Variants in CHD5 observed in about 807,000 individuals in gnomAD.
CHD5 encodes ATP-dependent chromatin remodeler CHD5.
In CHD5, 69 loss-of-function variants were observed where a neutral mutation model predicts 230.3. The observed-to-expected ratio is 0.30, with a 90% CI of 0.25 to 0.37. The LOEUF (loss-of-function observed/expected upper bound fraction) is 0.37. CHD5 is among the 10% of genes least tolerant of loss of function. The pLI, the probability that CHD5 is intolerant of heterozygous loss-of-function variation, is 1.00. For synonymous variants in CHD5, 1,064 were observed against 1,065.9 expected, an observed-to-expected ratio of 1.00 and a Z score of 0.03; for missense variants, 1,827 against 2,622.8, an observed-to-expected ratio of 0.70 and a Z score of 6.63.
chr1:6,159,296 G>C, intron 3 of CHD5, 40 bp downstream of exon 3: 1 of 1,549,462 alleles, frequency 6.5e-7, no homozygotes, highest in South Asian at 1.2e-5. Context: ...CCTTAAAGGG[G>C]GATGTCGCTC....
chr1:6,175,783 C>T (rs185365697), intron 1 of CHD5, among the ~76,000 whole-genome samples: 2 of 138,746 alleles, frequency 1.4e-5, no homozygotes, highest in Non-Finnish European at 3.1e-5. Flanking sequence ...TTTTGTGGGT[C>T]GACGGGTAGA....
intron 16 of CHD5, 23 bp from the exon 17 acceptor site, chr1:6,136,661 T>C (rs747027969): frequency 2.9e-5 from 46 of 1,613,318 alleles, no homozygotes; most frequent in Non-Finnish European, 3.1e-5. Flanking sequence ...GAGTGGGGCC[T>C]GTCAGGGGGC....
intron 1 of CHD5, among the ~76,000 whole-genome samples, chr1:6,176,863 T>C (rs1467413144): frequency 6.6e-6 from 1 of 152,204 alleles, no homozygotes; most frequent in Non-Finnish European, 1.5e-5. Context: ...CCACCAGCTC[T>C]TGACCCCTGG....
chr1:6,155,484 C>A lies in CHD5; in HGVS notation c.506+115G>T. On this transcript the variant is annotated intron_variant, in intron 4 of 41. Coordinates refer to ENST00000262450, the MANE Select transcript of CHD5 (RefSeq NM_015557.3). The surrounding 1 kb of genome is among the most constrained non-coding windows in gnomAD (Gnocchi z 4.0). ...AGCTCCCCCAGGTTGCTCAGTCGGT[C>A]TGACAGAGCCCACCCCTACCCCAGG... The A allele has an allele frequency of 1.2e-6, 1 of 865,264 alleles. No individual in the cohort carries two copies. Among genetic ancestry groups the A allele is most frequent in the Non-Finnish European group, 1.9e-6 (1 of 534,132 alleles). The allele number at this position is 865,264 out of a possible 1,614,324, so 53.6% of individuals were successfully genotyped here. A position where few individuals can be genotyped will look rare whatever the true frequency, so the allele number is the denominator to read the frequency against.
rs921771662 is a variant in CHD5, at chr1:6,131,251, C to A, written c.3262+380G>T. Among the ~76,000 whole-genome samples the A allele has an allele frequency of 1.3e-5, 2 of 152,136 alleles. No individual in the cohort carries two copies. Among genetic ancestry groups the A allele is most frequent in the African/African-American group, 2.4e-5 (1 of 41,428 alleles). ...AGAGCCTGATCATGTGTGGCCCAGC[C>A]CTTTCACTCTCTCCTGCCTCTGGAA... is the stretch of plus-strand genomic sequence containing the variant. On this transcript the variant is annotated intron_variant, in intron 21 of 41. Transcript: ENST00000262450. This position sits in a 1 kb window ranked among gnomAD's most constrained non-coding sequence, Gnocchi z 5.0.
intron 30 of CHD5, 48 bp downstream of exon 30, chr1:6,124,469 A>G: frequency 6.2e-7 from 1 of 1,606,204 alleles, no homozygotes; most frequent in Non-Finnish European, 8.5e-7. Context: ...CAGCACCAGG[A>G]GCCCAGGCAG....
chr1:6,174,321 G>T (rs1192629026), intron 1 of CHD5, among the ~76,000 whole-genome samples: 1 of 152,232 alleles, frequency 6.6e-6, no homozygotes, highest in African/African-American at 2.4e-5. Context: ...AACACACATT[G>T]TGTTCAGTAC....
rs1468165228 is a variant in CHD5 at position 6,105,192 on chromosome 1, T to C, written c.*282A>G. On this transcript the variant is annotated 3_prime_UTR_variant, in exon 42 of 42. Coordinates refer to ENST00000262450, the MANE Select transcript of CHD5 (RefSeq NM_015557.3). This position sits in a 1 kb window ranked among gnomAD's most constrained non-coding sequence, Gnocchi z 4.8. ...ATGAAATCTCTTCTAAGAAGTCGTC[T>C]GGAAAAGGTGGCGAGGGGGCACGTC... The C allele has an allele frequency of 8.6e-6, 3 of 349,352 alleles. No individual in the cohort carries two copies. Among genetic ancestry groups the C allele is most frequent in the African/African-American group, 4.3e-5 (2 of 46,450 alleles). 21.6% of individuals were successfully genotyped at this position (349,352 alleles called of 1,614,324 possible).
At chr1:6,140,413 A>G (rs1256495336) in intron 15 of CHD5, among the ~76,000 whole-genome samples, 10 of 151,520 alleles carry the variant, frequency 6.6e-5, no homozygotes, top group Non-Finnish European at 1.5e-5. Flanking sequence ...AAAAAAAAGA[A>G]AAGAAAAAGA....
intron 1 of CHD5, among the ~76,000 whole-genome samples, chr1:6,177,278 G>A (rs1334861795): frequency 6.6e-6 from 1 of 152,224 alleles, no homozygotes; most frequent in Non-Finnish European, 1.5e-5. Flanking sequence ...GGGCTATGAG[G>A]AAGAGCTCAG....
chr1:6,170,655 A>G (rs1209568754), intron 1 of CHD5, among the ~76,000 whole-genome samples: 1 of 152,184 alleles, frequency 6.6e-6, no homozygotes, highest in African/African-American at 2.4e-5. Flanking sequence ...GCCAGCAGCA[A>G]GGGCCGCCCC....
In CHD5 at chr1:6,159,386, G is replaced by C. The variant is rs184576673; in HGVS notation, c.337C>G (p.Arg113Gly). The C allele has an allele frequency of 2.6e-6, 4 of 1,552,114 alleles. No individual in the cohort carries two copies. Among genetic ancestry groups the C allele is most frequent in the Non-Finnish European group, 3.5e-6 (4 of 1,146,926 alleles). ...TCCTCATCCTCATCCTTCTTTTTTC[G>C]CTTGGCTTTTTTCTCCTTCTTGTCC... is the stretch of plus-strand genomic sequence containing the variant. ...LKDKKEKKAK[R>G]KKKDEDEDDN... Residue 113 changes from arginine (R) to glycine (G), a missense_variant, in exon 3 of 42, where the codon CGA (arginine) becomes GGA (glycine). Physicochemically the swap from Arg to Gly is moderately radical, Grantham distance 125. This residue lies in a region of CHD5 where 657 missense variants were observed against 816.4 expected (regional missense o/e 0.80). Coordinates refer to ENST00000262450, the MANE Select transcript of CHD5 (RefSeq NM_015557.3).
chr1:6,159,490 T>C lies in CHD5; in HGVS notation c.233A>G (p.Asn78Ser). ...CGACTTCTCTTCCAGATCCTCTTCA[T>C]TCTCTGATAGCTCATCATTGCTCCC... ...KEGSNDELSE[N>S]EEDLEEKSES... The change falls in exon 3 of 42, where the codon AAT becomes AGT. Residue 78 changes from asparagine (N) to serine (S), a missense_variant. Physicochemically the swap from Asn to Ser is conservative, Grantham distance 46. Transcript: ENST00000262450. The C allele has an allele frequency of 6.3e-7, 1 of 1,599,578 alleles. No individual in the cohort carries two copies. Among genetic ancestry groups the C allele is most frequent in the Non-Finnish European group, 8.5e-7 (1 of 1,171,100 alleles).
At chr1:6,165,047 T>G (rs1232102761) in intron 2 of CHD5, among the ~76,000 whole-genome samples, 1 of 151,982 alleles carries the variant, frequency 6.6e-6, no homozygotes, top group Non-Finnish European at 1.5e-5. Flanking sequence ...GATAAGGACC[T>G]GGACAAAAAC....
Position 6,125,635 on chromosome 1 carries a change from T to G in CHD5, c.4172-23A>C. On this transcript the variant is annotated intron_variant, in intron 27 of 41. Coordinates refer to ENST00000262450, the MANE Select transcript of CHD5 (RefSeq NM_015557.3). This position sits in a 1 kb window ranked among gnomAD's most constrained non-coding sequence, Gnocchi z 6.7. ...CACCTGGGGAGCAGCCCGCCACAGT[T>G]CCTCAGGTGGGAGCCCAGAGATTCC... 2 of 1,612,962 alleles carry G rather than the reference T, an allele frequency of 1.2e-6. No homozygotes were observed. The highest frequency in any genetic ancestry group is 1.7e-6 in the Non-Finnish European group (2 of 1,179,236).
chr1:6,134,597 C>T lies in CHD5; in HGVS notation c.3012+121G>A. 5.4e-6 allele frequency: 6 copies of T among 1,110,898 alleles called. No homozygotes were observed. The highest frequency in any genetic ancestry group is 8.1e-6 in the Non-Finnish European group (6 of 744,046). 68.8% of individuals were successfully genotyped at this position (1,110,898 alleles called of 1,614,324 possible). A position where few individuals can be genotyped will look rare whatever the true frequency, so the allele number is the denominator to read the frequency against. On this transcript the variant is annotated intron_variant, in intron 19 of 41. Transcript: ENST00000262450. The surrounding 1 kb of genome is among the most constrained non-coding windows in gnomAD (Gnocchi z 6.3). Reference sequence around the variant, plus strand: ...CCAGGGAAACCTACCATGACAGCCACAGAAATCGCCACAATGGCCAGGAGA... The same window carrying T: ...CCAGGGAAACCTACCATGACAGCCATAGAAATCGCCACAATGGCCAGGAGA...
chr1:6,168,060 T>A (rs554267801), intron 2 of CHD5, 90 bp downstream of exon 2: 23 of 1,461,638 alleles, frequency 1.6e-5, no homozygotes, highest in Non-Finnish European at 2.1e-5. Context: ...AACTCCAAGG[T>A]CCAGGGACCC....
chr1:6,149,265 T>C lies in CHD5; in HGVS notation c.1142A>G (p.Lys381Arg). ...GCTTACACAGTGGGGGCAGCTCCAC[T>C]TGCCCTCGGGAGCCTTCTCCAGCTC... ...DPELEKAPEG[K>R]WSCPHCEKEG... Residue 381 changes from lysine to arginine, a missense_variant, in exon 8 of 42, where the codon AAG (lysine) becomes AGG (arginine). Around this residue, in one of 14 missense-constraint regions of CHD5, gnomAD observed 657 missense variants for 816.4 expected, o/e 0.80. Transcript: ENST00000262450. 4 of 1,608,424 alleles carry C rather than the reference T, an allele frequency of 2.5e-6. No individual in the cohort carries two copies. The highest frequency in any genetic ancestry group is 3.4e-6 in the Non-Finnish European group (4 of 1,176,978).
rs369362588 is a variant in CHD5, at chr1:6,110,021, C to G, written c.5383-31G>C. The G allele has an allele frequency of 1.4e-4, 202 of 1,487,932 alleles. No individual in the cohort carries two copies. The African/African-American group carries it at 2.8e-3, about 20-fold the overall frequency. 92.2% of individuals were successfully genotyped at this position (1,487,932 alleles called of 1,614,324 possible). On this transcript the variant is annotated intron_variant, in intron 37 of 41. Transcript: ENST00000262450. ...GGCGGGGCGCAGCGTCGGCCCGGCC[C>G]CTCCCGCTGAATGGCTACCCTCCGT... is the stretch of plus-strand genomic sequence containing the variant.
Sources: allele counts gnomAD v4.1 joint callset (sites outside exome capture counted in the v4.1 genomes callset), GRCh38; gene constraint gnomAD v4.1.1; regional missense constraint gnomAD v4.1.1; non-coding constraint Gnocchi (gnomAD v3.1); transcripts MANE v1.5; gene names NCBI Gene and HGNC (gene_info 2026-07-23, HGNC 2026-07-21).